The following POT1 variants were observed in gnomAD, a reference collection of about 807,000 sequenced individuals.
POT1 encodes protection of telomeres protein 1.
A neutral mutation model predicts 78.5 loss-of-function variants in POT1; 47 were observed. The observed-to-expected ratio is 0.60, with a 90% CI of 0.47 to 0.76. POT1 has a LOEUF of 0.76. Ranked by LOEUF, POT1 falls within the 30% of genes least tolerant of loss-of-function variation. POT1 has a pLI of 0.00. For synonymous variants in POT1, 259 were observed against 260.7 expected, an observed-to-expected ratio of 0.99 and a Z score of 0.06; for missense variants, 646 against 749.9, an observed-to-expected ratio of 0.86 and a Z score of 1.62.
chr7:124,869,922 C>T (rs1795826834), intron 7 of POT1, among the ~76,000 whole-genome samples: 1 of 152,106 alleles, frequency 6.6e-6, no homozygotes, highest in Non-Finnish European at 1.5e-5. Flanking sequence ...CACAAACATT[C>T]TCTATTATCC....
intron 5 of POT1, among the ~76,000 whole-genome samples, chr7:124,894,442 AAGTAACCGCC>A (rs1422716771): frequency 2.0e-5 from 3 of 151,620 alleles, no homozygotes; most frequent in African/African-American, 7.2e-5. Context: ...ATAATCAACC[AAGTAACCGCC>A]ATTTGTTAAT....
chr7:124,844,475 G>A (rs1211925177), intron 12 of POT1, among the ~76,000 whole-genome samples: 2 of 145,044 alleles, frequency 1.4e-5, no homozygotes, highest in Non-Finnish European at 1.5e-5. Flanking sequence ...GGTGGCTCAC[G>A]CCTGTAATCC....
intron 3 of POT1, among the ~76,000 whole-genome samples, chr7:124,902,968 A>G (rs6959665): frequency 0.6 from 91,370 of 151,940 alleles, 27,598 homozygotes; most frequent in African/African-American, 0.65. Context: ...TCCACAAGAA[A>G]AGCTAACTAT....
intron 2 of POT1, among the ~76,000 whole-genome samples, chr7:124,927,688 C>T (rs1382705385): frequency 1.3e-5 from 2 of 152,206 alleles, no homozygotes; most frequent in Non-Finnish European, 2.9e-5. Flanking sequence ...TCCCTTTGGG[C>T]TTCAAACTCC....
At chr7:124,892,686 T>G (rs1033068283) in intron 5 of POT1, 3 of 165,202 alleles carry the variant, frequency 1.8e-5, no homozygotes, top group Non-Finnish European at 3.9e-5. Context: ...CCCTGACTTA[T>G]GATGGTTCAA....
chr7:124,837,514 A>C (rs1794927195), intron 14 of POT1, among the ~76,000 whole-genome samples: 1 of 152,092 alleles, frequency 6.6e-6, no homozygotes, highest in African/African-American at 2.4e-5. Flanking sequence ...TAATCTATCA[A>C]AACTCACACA....
At chr7:124,899,057 G>A (rs1354005969) in intron 3 of POT1, among the ~76,000 whole-genome samples, 1 of 152,058 alleles carries the variant, frequency 6.6e-6, no homozygotes, top group African/African-American at 2.4e-5. Flanking sequence ...CAAAATGTCT[G>A]GGCTTTTGGT....
chr7:124,826,323 A>G (rs1044567584), intron 17 of POT1, among the ~76,000 whole-genome samples: 93 of 152,282 alleles, frequency 6.1e-4, no homozygotes, highest in African/African-American at 2.2e-3. Flanking sequence ...TCTGTCCTAT[A>G]CATCTCTTTC....
intron 8 of POT1, among the ~76,000 whole-genome samples, chr7:124,859,850 AC>A (rs978860143): frequency 2.6e-5 from 4 of 151,726 alleles, no homozygotes; most frequent in African/African-American, 7.3e-5. Context: ...GAAAAAAAAA[AC>A]ATATAATATT....
chr7:124,880,685 T>C (rs1290321195), intron 6 of POT1, among the ~76,000 whole-genome samples: 3 of 152,008 alleles, frequency 2.0e-5, no homozygotes, highest in Admixed American at 6.6e-5. Context: ...AGGTAACACT[T>C]TGAGAAACAT....
intron 2 of POT1, among the ~76,000 whole-genome samples, chr7:124,927,169 A>G (rs1797295509): frequency 6.6e-6 from 1 of 152,220 alleles, no homozygotes; most frequent in Non-Finnish European, 1.5e-5. Flanking sequence ...TTCACCTGAC[A>G]TTCAATCCTC....
At chr7:124,881,360 G>A (rs1796114615) in intron 6 of POT1, among the ~76,000 whole-genome samples, 1 of 151,766 alleles carries the variant, frequency 6.6e-6, no homozygotes, top group African/African-American at 2.4e-5. Context: ...TGATCAAAAT[G>A]TTATGTGGCA....
chr7:124,854,454 T>G (rs961017090), intron 9 of POT1, among the ~76,000 whole-genome samples: 13 of 151,836 alleles, frequency 8.6e-5, no homozygotes, highest in African/African-American at 2.9e-4. Flanking sequence ...AAAAAAAAGA[T>G]GAGTAGCAAA....
intron 10 of POT1, 49 bp from the exon 11 acceptor site, chr7:124,852,000 T>C (rs770134397): frequency 5.4e-6 from 7 of 1,294,524 alleles, no homozygotes; most frequent in East Asian, 4.7e-5. Flanking sequence ...AAAGTCAATA[T>C]AGTAAATTTA....
At chr7:124,898,171 T>C (rs1198024478) in intron 4 of POT1, 90 bp downstream of exon 4, 1 of 152,036 alleles carries the variant, frequency 6.6e-6, no homozygotes, top group Admixed American at 6.6e-5. Flanking sequence ...CCAAGTAGTT[T>C]ATCTGCAGAT....
chr7:124,862,673 C>T (rs1391986071), intron 8 of POT1, among the ~76,000 whole-genome samples: 1 of 152,096 alleles, frequency 6.6e-6, no homozygotes, highest in Non-Finnish European at 1.5e-5. Flanking sequence ...ATTTCTTGCC[C>T]TATTATTCCA....
chr7:124,882,287 T>C (rs1796137885), intron 6 of POT1, among the ~76,000 whole-genome samples: 1 of 152,022 alleles, frequency 6.6e-6, no homozygotes, highest in Non-Finnish European at 1.5e-5. Context: ...ATTCCATTGG[T>C]AGAAAAGTAT....
intron 14 of POT1, among the ~76,000 whole-genome samples, chr7:124,840,134 T>C (rs567596687): frequency 1.6e-4 from 25 of 152,158 alleles, no homozygotes; most frequent in African/African-American, 6.0e-4. Flanking sequence ...GGTACATTTG[T>C]TAAAAATGAA....
chr7:124,831,700 A>C (rs4141073), intron 15 of POT1, among the ~76,000 whole-genome samples: 1 of 151,912 alleles, frequency 6.6e-6, no homozygotes, highest in African/African-American at 2.4e-5. Flanking sequence ...ACATACTCCA[A>C]AGATGTTAAA....
Sources: allele counts gnomAD v4.1 joint callset (sites outside exome capture counted in the v4.1 genomes callset), GRCh38; gene constraint gnomAD v4.1.1; transcripts MANE v1.5; gene names NCBI Gene and HGNC (gene_info 2026-07-23, HGNC 2026-07-21).